Variants in PAK1 observed in about 807,000 individuals in gnomAD.
PAK1 encodes serine/threonine-protein kinase PAK 1.
A neutral mutation model predicts 67.4 loss-of-function variants in PAK1; 29 were observed. That is an observed-to-expected ratio of 0.43 (90% CI 0.32 to 0.59). The LOEUF (loss-of-function observed/expected upper bound fraction) is 0.59. Ranked by LOEUF, PAK1 falls within the 20% of genes least tolerant of loss-of-function variation. PAK1 has a pLI of 0.07. For synonymous variants in PAK1, 223 were observed against 237.4 expected, an observed-to-expected ratio of 0.94 and a Z score of 0.56; for missense variants, 337 against 670.7, an observed-to-expected ratio of 0.50 and a Z score of 5.50.
At chr11:77,472,699 G>C (rs552376744) in intron 1 of PAK1, among the ~76,000 whole-genome samples, 4 of 152,310 alleles carry the variant, frequency 2.6e-5, no homozygotes, top group East Asian at 1.9e-4. Flanking sequence ...CAAAATTAAA[G>C]ATTGTTCTCA....
At chr11:77,377,561 T>C (rs1443865256) in intron 4 of PAK1, among the ~76,000 whole-genome samples, 2 of 152,180 alleles carry the variant, frequency 1.3e-5, no homozygotes, top group Non-Finnish European at 2.9e-5. Context: ...ATTACCTGAA[T>C]GTTTATATTT....
chr11:77,486,937 G>T, the PAK1 span, among the ~76,000 whole-genome samples: 1 of 152,112 alleles, frequency 6.6e-6, no homozygotes, highest in African/African-American at 2.4e-5. Context: ...GTGGACTTAG[G>T]GGTTATGTGA....
intron 1 of PAK1, among the ~76,000 whole-genome samples, chr11:77,471,266 C>G (rs1485547083): frequency 6.6e-6 from 1 of 152,118 alleles, no homozygotes; most frequent in Non-Finnish European, 1.5e-5. Flanking sequence ...CAGGAGCTGG[C>G]AGGGTGCTGG....
At chr11:77,474,420 TCACTGTTCTCGGTC>T (rs1335330314), upstream of PAK1, 1 of 152,188 alleles carries the variant, frequency 6.6e-6, no homozygotes, top group East Asian at 1.9e-4. Flanking sequence ...TCGCGTCGCG[TCACTGTTCTCGGTC>T]CGCTGTCCGT....
intron 1 of PAK1, among the ~76,000 whole-genome samples, chr11:77,433,119 G>A (rs1358187764): frequency 1.3e-5 from 2 of 152,180 alleles, no homozygotes; most frequent in African/African-American, 2.4e-5. Context: ...AACAAAGGGT[G>A]CTGAAACAAC....
Position 77,359,920 on chromosome 11 carries a change from T to C in PAK1, c.478-903A>G, listed in dbSNP as rs923236000. 9.2e-5 allele frequency among the ~76,000 whole-genome samples: 14 copies of C among 152,198 alleles called. No homozygotes were observed. In the East Asian group the frequency reaches 2.7e-3, roughly 29 times the overall value. On this transcript the variant is annotated intron_variant, in intron 5 of 14. Coordinates refer to ENST00000356341, the MANE Select transcript of PAK1 (RefSeq NM_002576.5). ...GGGGATCTTTTAATATATACTGATA[T>C]AATTCAACAGTTTCAGGTATTTTCA...
intron 9 of PAK1, among the ~76,000 whole-genome samples, chr11:77,344,775 T>G (rs1944149423): frequency 6.6e-6 from 1 of 152,164 alleles, no homozygotes; most frequent in African/African-American, 2.4e-5. Flanking sequence ...AGATTAATTT[T>G]CCCCCACAGT....
intron 5 of PAK1, among the ~76,000 whole-genome samples, chr11:77,372,352 T>C (rs1459679307): frequency 6.6e-6 from 1 of 152,222 alleles, no homozygotes; most frequent in Non-Finnish European, 1.5e-5. Context: ...CAGATGCCTA[T>C]TGCCATTAAC....
At chr11:77,369,464 T>TTTTTTA (rs1948112425) in intron 5 of PAK1, among the ~76,000 whole-genome samples, 1 of 142,574 alleles carries the variant, frequency 7.0e-6, no homozygotes, top group Non-Finnish European at 1.5e-5. Context: ...TTTTTTTTTT[T>TTTTTTA]TGAGATGGAG....
chr11:77,362,008 T>C (rs951723083), intron 5 of PAK1, among the ~76,000 whole-genome samples: 4 of 151,232 alleles, frequency 2.6e-5, no homozygotes, highest in South Asian at 2.1e-4. Context: ...AGAACACAAA[T>C]GTTACTAATT....
At chr11:77,381,998 C>A (rs567474214) in intron 2 of PAK1, among the ~76,000 whole-genome samples, 1 of 152,330 alleles carries the variant, frequency 6.6e-6, no homozygotes, top group East Asian at 1.9e-4. Context: ...TGCACTGGAA[C>A]ATGTGGCAGG....
intron 5 of PAK1, 33 bp from the exon 6 acceptor site, chr11:77,359,050 T>C (rs749281713): frequency 6.2e-7 from 1 of 1,601,370 alleles, no homozygotes. Flanking sequence ...ATGCATCTGG[T>C]CCAGCTGCCA....
chr11:77,517,036 TA>T, the PAK1 span, among the ~76,000 whole-genome samples: 1 of 151,762 alleles, frequency 6.6e-6, no homozygotes, highest in Non-Finnish European at 1.5e-5. Context: ...ATAAACTAAC[TA>T]AAGAAAAAAT....
At chr11:77,331,014 A>G (rs1941378123) in intron 14 of PAK1, among the ~76,000 whole-genome samples, 1 of 152,272 alleles carries the variant, frequency 6.6e-6, no homozygotes, top group Non-Finnish European at 1.5e-5. Flanking sequence ...ACATTTACAT[A>G]GCCAAAAAAC....
chr11:77,449,265 C>T (rs1245785470), intron 1 of PAK1, among the ~76,000 whole-genome samples: 1 of 152,128 alleles, frequency 6.6e-6, no homozygotes, highest in Non-Finnish European at 1.5e-5. Flanking sequence ...CACTAGCCCA[C>T]ACAGAAACAG....
intron 1 of PAK1, among the ~76,000 whole-genome samples, chr11:77,459,797 A>T (rs1401289451): frequency 2.2e-5 from 3 of 136,906 alleles, no homozygotes; most frequent in Non-Finnish European, 4.8e-5. Flanking sequence ...GGTTCACGCC[A>T]TTCTCCTGCC....
At chr11:77,360,859 G>T (rs1946688399) in intron 5 of PAK1, among the ~76,000 whole-genome samples, 1 of 152,120 alleles carries the variant, frequency 6.6e-6, no homozygotes, top group African/African-American at 2.4e-5. Flanking sequence ...GCCACTGAAT[G>T]GATTAAATGA....
At chr11:77,462,255 C>T (rs1030864618) in intron 1 of PAK1, among the ~76,000 whole-genome samples, 7 of 151,582 alleles carry the variant, frequency 4.6e-5, no homozygotes, top group Admixed American at 2.0e-4. Flanking sequence ...GGCGTGAACC[C>T]GGGAGGCGGA....
At chr11:77,442,133 G>A (rs530582482) in intron 1 of PAK1, among the ~76,000 whole-genome samples, 4 of 152,256 alleles carry the variant, frequency 2.6e-5, no homozygotes, top group Non-Finnish European at 5.9e-5. Context: ...GTTTATTAAA[G>A]TTAATTCCTT....
Sources: allele counts gnomAD v4.1 joint callset (sites outside exome capture counted in the v4.1 genomes callset), GRCh38; gene constraint gnomAD v4.1.1; transcripts MANE v1.5; gene names NCBI Gene and HGNC (gene_info 2026-07-23, HGNC 2026-07-21).